LAMA4: variants seen among roughly 807,000 people sequenced by gnomAD.
The protein encoded by LAMA4 is laminin subunit alpha 4.
LAMA4 carries 127 observed loss-of-function variants against 207.1 expected under a neutral mutation model. That is an observed-to-expected ratio of 0.61 (90% CI 0.53 to 0.71). The LOEUF (loss-of-function observed/expected upper bound fraction) is 0.71. Among genes scored for constraint, LAMA4 ranks in the 30% least tolerant of loss-of-function variants. The pLI is 0.00. For missense variants in LAMA4, 2,093 were observed against 2,246.5 expected (o/e 0.93, Z 1.38); for synonymous variants, 761 against 816.0 (o/e 0.93, Z 1.15).
intron 17 of LAMA4, among the ~76,000 whole-genome samples, chr6:112,149,459 T>G (rs868949095): frequency 6.6e-6 from 1 of 152,160 alleles, no homozygotes; most frequent in South Asian, 2.1e-4. Flanking sequence ...GGGGACAGTT[T>G]TCCCCATGCT....
At chr6:112,249,349 A>C (rs1704347619) in intron 2 of LAMA4, among the ~76,000 whole-genome samples, 2 of 142,586 alleles carry the variant, frequency 1.4e-5, no homozygotes, top group African/African-American at 5.2e-5. Context: ...AGGCTGAGGC[A>C]GGGGAATCGC....
At chr6:112,113,383 A>G (rs1177464968) in intron 38 of LAMA4, among the ~76,000 whole-genome samples, 2 of 152,228 alleles carry the variant, frequency 1.3e-5, no homozygotes, top group Non-Finnish European at 2.9e-5. Context: ...CTCCCCAGCC[A>G]TAGCATTCAG....
At chr6:112,244,795 T>G (rs1209303878) in intron 2 of LAMA4, among the ~76,000 whole-genome samples, 1 of 152,210 alleles carries the variant, frequency 6.6e-6, no homozygotes, top group Non-Finnish European at 1.5e-5. Context: ...TGGCTCATAT[T>G]GCAAGGTATG....
intron 2 of LAMA4, among the ~76,000 whole-genome samples, chr6:112,230,137 T>C (rs907868608): frequency 6.6e-5 from 10 of 152,218 alleles, no homozygotes; most frequent in Non-Finnish European, 8.8e-5. Context: ...TTTTAAGAAA[T>C]GTCCATGTAT....
intron 38 of LAMA4, among the ~76,000 whole-genome samples, chr6:112,110,479 A>G (rs1777631108): frequency 6.6e-6 from 1 of 152,240 alleles, no homozygotes; most frequent in Non-Finnish European, 1.5e-5. Flanking sequence ...TTTCTAAGCA[A>G]TGTAGGGTAA....
chr6:112,233,208 T>C (rs1466271216), intron 2 of LAMA4, among the ~76,000 whole-genome samples: 1 of 152,294 alleles, frequency 6.6e-6, no homozygotes, highest in South Asian at 2.1e-4. Flanking sequence ...CAGAATCGTA[T>C]CAGAGCATAC....
At position 112,227,041 on chromosome 6, in the gene LAMA4, T is replaced by TTTTATTTATTTATTTA. The variant is rs10610325; in HGVS notation, c.196-10588_196-10573dup. On this transcript the variant is annotated intron_variant, in intron 2 of 38. Coordinates refer to ENST00000230538, the MANE Select transcript of LAMA4 (RefSeq NM_001105206.3). ...AGAAAGAGTCTCAGGGCTTCGACTA[T>TTTTATTTATTTATTTA]TTTATTTATTTATTTATTTATTTAT... Among the ~76,000 whole-genome samples the TTTTATTTATTTATTTA allele has an allele frequency of 1.1e-3, 158 of 141,708 alleles. 1 individual carries two copies. Among genetic ancestry groups the TTTTATTTATTTATTTA allele is most frequent in the East Asian group, 1.7e-3 (8 of 4,774 alleles). 93.0% of individuals were successfully genotyped at this position (141,708 alleles called of 152,430 possible).
chr6:112,192,373 G>A (rs1043473309), intron 5 of LAMA4, among the ~76,000 whole-genome samples: 1 of 152,216 alleles, frequency 6.6e-6, no homozygotes, highest in African/African-American at 2.4e-5. Context: ...TCTTGTTTGA[G>A]GGTCATGGGG....
intron 2 of LAMA4, among the ~76,000 whole-genome samples, chr6:112,233,137 C>T (rs1022525072): frequency 8.5e-5 from 13 of 152,160 alleles, no homozygotes; most frequent in Non-Finnish European, 2.9e-5. Context: ...CCAGGGACAC[C>T]GTGGTTGACT....
intron 10 of LAMA4, among the ~76,000 whole-genome samples, chr6:112,176,662 C>T (rs1554343843): frequency 1.3e-5 from 2 of 152,190 alleles, no homozygotes; most frequent in African/African-American, 4.8e-5. Flanking sequence ...TCAGCTCTAG[C>T]ACTTGTGATG....
In LAMA4 at chr6:112,129,112, AT is replaced by A. The variant is rs782321848; in HGVS notation, c.4134-38del. 5.1e-6 allele frequency: 8 copies of A among 1,554,754 alleles called. No homozygotes were observed. The African/African-American group carries it at 1.1e-4, about 21-fold the overall frequency. Reference sequence around the variant, plus strand: ...ACAGAGGAAAAAATAAATATTAAAAATATTGTTCAGAATTACATGATGAATA... The same window carrying A: ...ACAGAGGAAAAAATAAATATTAAAAAATTGTTCAGAATTACATGATGAATA... On this transcript the variant is annotated intron_variant, in intron 30 of 38. Transcript: ENST00000230538.
At chr6:112,141,585 C>A in intron 20 of LAMA4, 82 bp from the exon 21 acceptor site, 1 of 1,163,470 alleles carries the variant, frequency 8.6e-7, no homozygotes, top group South Asian at 1.3e-5. Context: ...AATCAGAAAT[C>A]CAAATATTTG....
intron 2 of LAMA4, among the ~76,000 whole-genome samples, chr6:112,235,882 G>T (rs782315453): frequency 2.0e-5 from 3 of 152,178 alleles, no homozygotes; most frequent in Non-Finnish European, 4.4e-5. Context: ...TGGGATGCAT[G>T]ATTTGGTTAT....
At chr6:112,160,716 C>T (rs1433131760) in intron 13 of LAMA4, among the ~76,000 whole-genome samples, 1 of 152,178 alleles carries the variant, frequency 6.6e-6, no homozygotes, top group Non-Finnish European at 1.5e-5. Context: ...TCTCCTCTTT[C>T]CCTGACCAAG....
intron 13 of LAMA4, among the ~76,000 whole-genome samples, chr6:112,163,112 T>A (rs1318619022): frequency 6.6e-6 from 1 of 151,726 alleles, no homozygotes; most frequent in Non-Finnish European, 1.5e-5. Context: ...GCTGGGACTG[T>A]AGGCATGCAC....
chr6:112,211,453 A>T (rs553037449), intron 3 of LAMA4, among the ~76,000 whole-genome samples: 1 of 152,232 alleles, frequency 6.6e-6, no homozygotes, highest in South Asian at 2.1e-4. Context: ...AACCTGAATT[A>T]AGCAGATATA....
intron 28 of LAMA4, among the ~76,000 whole-genome samples, 163 bp downstream of exon 28, chr6:112,132,590 T>C (rs1291243218): frequency 2.0e-5 from 3 of 152,176 alleles, no homozygotes; most frequent in African/African-American, 7.2e-5. Flanking sequence ...ATACAATACA[T>C]AGAATATTTT....
At chr6:112,247,319 C>T (rs782590034) in intron 2 of LAMA4, among the ~76,000 whole-genome samples, 16 of 152,134 alleles carry the variant, frequency 1.1e-4, no homozygotes, top group South Asian at 2.1e-4. Context: ...GGATTCACAG[C>T]GCATCTGTCT....
chr6:112,243,566 G>C (rs998540516), intron 2 of LAMA4, among the ~76,000 whole-genome samples: 2 of 152,088 alleles, frequency 1.3e-5, no homozygotes, highest in Non-Finnish European at 2.9e-5. Context: ...AGGGTGATCT[G>C]GTTGTTAGTG....
Sources: allele counts gnomAD v4.1 joint callset (sites outside exome capture counted in the v4.1 genomes callset), GRCh38; gene constraint gnomAD v4.1.1; transcripts MANE v1.5; gene names NCBI Gene and HGNC (gene_info 2026-07-23, HGNC 2026-07-21).